Variants in ANKRD44 observed in about 807,000 individuals in gnomAD.
ANKRD44 encodes the protein ankyrin repeat domain 44, also known as serine/threonine-protein phosphatase 6 regulatory ankyrin repeat subunit B.
In ANKRD44, 35 loss-of-function variants were observed where a neutral mutation model predicts 116.0. The ratio of observed to expected loss-of-function variants is 0.30; its 90% CI spans 0.23 to 0.40. ANKRD44 has a LOEUF of 0.40. Among genes scored for constraint, ANKRD44 ranks in the 10% least tolerant of loss-of-function variants. The pLI is 1.00. For synonymous variants in ANKRD44, 435 were observed against 461.8 expected, an observed-to-expected ratio of 0.94 and a Z score of 0.74; for missense variants, 1,014 against 1,242.6, an observed-to-expected ratio of 0.82 and a Z score of 2.77.
At chr2:197,154,422 G>C (rs1364034664) in intron 2 of ANKRD44, among the ~76,000 whole-genome samples, 1 of 151,642 alleles carries the variant, frequency 6.6e-6, no homozygotes, top group Non-Finnish European at 1.5e-5. Context: ...CTCGTGATCC[G>C]CCCGCCTCGG....
chr2:197,178,330 G>T lies in ANKRD44; in HGVS notation c.111+8693C>A, dbSNP rs548758084. Among the ~76,000 whole-genome samples the T allele has an allele frequency of 3.3e-5, 5 of 152,206 alleles. No homozygotes were observed. In the East Asian group the frequency reaches 9.6e-4, roughly 29 times the overall value. On this transcript the variant is annotated intron_variant, in intron 2 of 27. Transcript: ENST00000282272. ...TACAAAAAGTTAAAAAATTAGCAGGGCATGGTGGCACACTCCTGTAGTCCC... is the reference window on the plus strand; with the variant it reads ...TACAAAAAGTTAAAAAATTAGCAGGTCATGGTGGCACACTCCTGTAGTCCC...
At chr2:197,074,402 C>CT (rs11463405) in intron 16 of ANKRD44, among the ~76,000 whole-genome samples, 146,478 of 152,206 alleles carry the variant, frequency 0.96, 70,706 homozygotes, top group Middle Eastern at 1. Context: ...AGTAGTTTTC[C>CT]TTTTTTAAAT....
chr2:197,206,718 AAAAC>A (rs1051177081), intron 1 of ANKRD44, among the ~76,000 whole-genome samples: 23 of 152,358 alleles, frequency 1.5e-4, no homozygotes, highest in African/African-American at 4.8e-4. Context: ...CCTCCGTCTC[AAAAC>A]AAACAAACAA....
At chr2:197,251,225 AAT>A (rs1387640479) in intron 1 of ANKRD44, among the ~76,000 whole-genome samples, 1 of 151,996 alleles carries the variant, frequency 6.6e-6, no homozygotes, top group East Asian at 1.9e-4. Context: ...TGTCTTTCTG[AAT>A]ATGTTTCTGA....
intron 13 of ANKRD44, 110 bp from the exon 14 acceptor site, chr2:197,083,619 CAG>C (rs1198229971): frequency 1.2e-5 from 15 of 1,267,002 alleles, no homozygotes; most frequent in Non-Finnish European, 1.6e-5. Flanking sequence ...CTTGGACTCT[CAG>C]AGTGTGTGGA....
At chr2:197,118,813 T>C (rs542054279) in intron 8 of ANKRD44, among the ~76,000 whole-genome samples, 1 of 152,330 alleles carries the variant, frequency 6.6e-6, no homozygotes, top group South Asian at 2.1e-4. Context: ...AAAGAGATCA[T>C]ATTTCTTTAT....
At chr2:197,124,120 G>A (rs755716784) in intron 6 of ANKRD44, among the ~76,000 whole-genome samples, 4 of 152,022 alleles carry the variant, frequency 2.6e-5, no homozygotes, top group Non-Finnish European at 4.4e-5. Context: ...CAGGTGCCAC[G>A]CAGTCATTTC....
rs1187850136 is a variant in ANKRD44, at chr2:197,000,552, A to G, written c.2436-50T>C. ...TAACAATCTCACTCTTTTAAATTATATCACCTCCTAACCCATCTTCCTATG... is the reference window on the plus strand; with the variant it reads ...TAACAATCTCACTCTTTTAAATTATGTCACCTCCTAACCCATCTTCCTATG... On this transcript the variant is annotated intron_variant, in intron 22 of 27. Transcript: ENST00000282272. The G allele has an allele frequency of 8.5e-6, 12 of 1,408,390 alleles. No individual in the cohort carries two copies. The South Asian group carries it at 1.4e-4, about 16-fold the overall frequency. The allele number at this position is 1,408,390 out of a possible 1,614,324, so 87.2% of individuals were successfully genotyped here. A position where few individuals can be genotyped will look rare whatever the true frequency, so the allele number is the denominator to read the frequency against.
chr2:196,987,730 T>G lies in ANKRD44; in HGVS notation c.*1861A>C. ...GTATTTAGCAAAGACAGGCAGACAC[T>G]GGCAAATAAGTAAGTGCAATGAAAC... is the stretch of plus-strand genomic sequence containing the variant. On this transcript the variant is annotated 3_prime_UTR_variant, in exon 28 of 28. Transcript: ENST00000282272. 1 of 985,406 alleles carries G rather than the reference T, an allele frequency of 1.0e-6. No homozygotes were observed. The highest frequency in any genetic ancestry group is 1.2e-6 in the Non-Finnish European group (1 of 829,920). 61.0% of individuals were successfully genotyped at this position (985,406 alleles called of 1,614,324 possible). A position where few individuals can be genotyped will look rare whatever the true frequency, so the allele number is the denominator to read the frequency against.
chr2:197,072,016 C>A, intron 16 of ANKRD44, among the ~76,000 whole-genome samples: 1 of 140,732 alleles, frequency 7.1e-6, no homozygotes, highest in Non-Finnish European at 1.5e-5. Context: ...GGGTTTGTGA[C>A]TGAGAGGGAG....
chr2:196,981,882 T>C (rs78526338), downstream of ANKRD44, among the ~76,000 whole-genome samples: 3,078 of 151,828 alleles, frequency 0.02, 46 homozygotes, highest in Non-Finnish European at 0.028. Flanking sequence ...ATTGAGACAA[T>C]AGAAATCACT....
At chr2:197,098,646 C>T (rs2078217764) in intron 10 of ANKRD44, among the ~76,000 whole-genome samples, 1 of 152,114 alleles carries the variant, frequency 6.6e-6, no homozygotes, top group African/African-American at 2.4e-5. Flanking sequence ...ACGTGCCAGG[C>T]ACTGTTCAAA....
At chr2:197,184,392 A>G (rs897577612) in intron 2 of ANKRD44, among the ~76,000 whole-genome samples, 3 of 152,142 alleles carry the variant, frequency 2.0e-5, no homozygotes, top group African/African-American at 7.2e-5. Context: ...CTGTAATCTC[A>G]GCACTTTGGG....
intron 1 of ANKRD44, among the ~76,000 whole-genome samples, chr2:197,204,756 T>A (rs1234174872): frequency 2.0e-5 from 3 of 152,154 alleles, no homozygotes; most frequent in Non-Finnish European, 4.4e-5. Context: ...CAAATTCTAG[T>A]TTATAAGAAC....
chr2:197,136,857 G>A (rs1487486586), intron 3 of ANKRD44, among the ~76,000 whole-genome samples, 195 bp from the exon 4 acceptor site: 3 of 152,196 alleles, frequency 2.0e-5, no homozygotes, highest in Non-Finnish European at 4.4e-5. Context: ...CTAAAAATCT[G>A]GGACTAGCCA....
intron 21 of ANKRD44, among the ~76,000 whole-genome samples, chr2:196,967,893 G>A (rs944450741): frequency 3.3e-5 from 5 of 149,614 alleles, no homozygotes; most frequent in Non-Finnish European, 7.4e-5. Context: ...TCATTGGGGT[G>A]GATCCCTCAT....
At chr2:197,266,185 G>C (rs1429451335) in intron 1 of ANKRD44, among the ~76,000 whole-genome samples, 2 of 152,156 alleles carry the variant, frequency 1.3e-5, no homozygotes, top group Non-Finnish European at 2.9e-5. Context: ...CAGGGGTTCA[G>C]CTGGAGGTGA....
chr2:197,181,660 C>T (rs1431899014), intron 2 of ANKRD44, among the ~76,000 whole-genome samples: 1 of 152,156 alleles, frequency 6.6e-6, no homozygotes, highest in East Asian at 1.9e-4. Flanking sequence ...GAGAATGGGG[C>T]CATATGTGCT....
intron 1 of ANKRD44, among the ~76,000 whole-genome samples, chr2:197,285,833 G>GA (rs1278712262): frequency 1.3e-5 from 2 of 151,890 alleles, no homozygotes; most frequent in South Asian, 2.1e-4. Flanking sequence ...GTCAGATTCT[G>GA]AAAAAAAAGA....
Sources: allele counts gnomAD v4.1 joint callset (sites outside exome capture counted in the v4.1 genomes callset), GRCh38; gene constraint gnomAD v4.1.1; transcripts MANE v1.5; gene names NCBI Gene and HGNC (gene_info 2026-07-23, HGNC 2026-07-21).